The following SPAST variants were observed in gnomAD, a reference collection of about 807,000 sequenced individuals.
The protein encoded by SPAST is spastic paraplegia 4 (autosomal dominant; spastin).
SPAST carries 30 observed loss-of-function variants against 76.6 expected under a neutral mutation model. That is an observed-to-expected ratio of 0.39 (90% CI 0.29 to 0.53). The LOEUF is 0.53. Among genes scored for constraint, SPAST ranks in the 20% least tolerant of loss-of-function variants. The probability of loss-of-function intolerance (pLI) is 0.68; values close to 1 mark genes in which losing one functional copy is unlikely to be tolerated. For missense variants in SPAST, 717 were observed against 770.5 expected (o/e 0.93, Z 0.82); for synonymous variants, 305 against 281.0 (o/e 1.09, Z -0.86).
chr2:32,108,462 G>C (rs574463804), intron 4 of SPAST, among the ~76,000 whole-genome samples: 3 of 151,948 alleles, frequency 2.0e-5, no homozygotes, highest in African/African-American at 7.3e-5. Flanking sequence ...ATTTTAATGG[G>C]TGTATCACAG....
intron 1 of SPAST, among the ~76,000 whole-genome samples, chr2:32,066,322 G>T (rs897306882): frequency 6.6e-6 from 1 of 152,056 alleles, no homozygotes; most frequent in African/African-American, 2.4e-5. Flanking sequence ...GGATCCCTTG[G>T]GGAGAATTAA....
chr2:32,106,456 AC>A (rs955685619), intron 4 of SPAST, among the ~76,000 whole-genome samples: 24 of 152,208 alleles, frequency 1.6e-4, no homozygotes, highest in African/African-American at 5.8e-4. Flanking sequence ...TGTGGGCTGC[AC>A]CCACTGTCTG....
At chr2:32,094,270 G>C (rs1207023780) in intron 3 of SPAST, among the ~76,000 whole-genome samples, 1 of 152,058 alleles carries the variant, frequency 6.6e-6, no homozygotes, top group Non-Finnish European at 1.5e-5. Context: ...CCAGGCCAGA[G>C]TGCAATGGCG....
Position 32,151,513 on chromosome 2 carries a change from T to C in SPAST, c.1729-2861T>C, listed in dbSNP as rs186948432. On this transcript the variant is annotated intron_variant, in intron 16 of 16. Coordinates refer to ENST00000315285, the MANE Select transcript of SPAST (RefSeq NM_014946.4). ...AGACGTAAACACAAGTAGTTTGCTC[T>C]CTAAAACTGTATACTAGAATTTTAT... 2.5e-3 allele frequency among the ~76,000 whole-genome samples: 375 copies of C among 152,308 alleles called. 1 individual carries two copies. The highest frequency in any genetic ancestry group is 1.9e-3 in the Non-Finnish European group (127 of 68,026).
In SPAST at chr2:32,155,308, C is replaced by T. The variant is rs996377939; in HGVS notation, c.*812C>T. 2 of 152,424 alleles carry T rather than the reference C, an allele frequency of 1.3e-5. No homozygotes were observed. The highest frequency in any genetic ancestry group is 2.9e-5 in the Non-Finnish European group (2 of 67,976). 9.4% of individuals were successfully genotyped at this position (152,424 alleles called of 1,614,324 possible). ...TCAGAAATCTGTTGTAGACTGTTAA[C>T]TTCTTCCTGATGGAATTTATTTTCT... On this transcript the variant is annotated 3_prime_UTR_variant, in exon 17 of 17. Transcript: ENST00000315285.
intron 1 of SPAST, among the ~76,000 whole-genome samples, chr2:32,066,737 G>A (rs557012509): frequency 3.3e-5 from 5 of 152,182 alleles, no homozygotes; most frequent in African/African-American, 1.2e-4. Flanking sequence ...ACTTTGGGAG[G>A]CTGAGGTGGG....
At chr2:32,079,492 C>T (rs1405682124) in intron 1 of SPAST, among the ~76,000 whole-genome samples, 3 of 148,010 alleles carry the variant, frequency 2.0e-5, no homozygotes, top group South Asian at 2.2e-4. Context: ...GGTGACAGAG[C>T]GAGACCCAGT....
intron 9 of SPAST, among the ~76,000 whole-genome samples, chr2:32,134,884 C>T (rs1432552520): frequency 1.3e-5 from 2 of 150,750 alleles, no homozygotes; most frequent in African/African-American, 2.4e-5. Flanking sequence ...TTAGTAGACA[C>T]AGGGTTTCAC....
chr2:32,121,029 T>C (rs1025160733), intron 7 of SPAST, among the ~76,000 whole-genome samples: 2 of 152,224 alleles, frequency 1.3e-5, no homozygotes, highest in African/African-American at 4.8e-5. Context: ...ATTGGACTTC[T>C]TATTTCTATT....
At chr2:32,140,931 TTTGTTG>T (rs1374819622) in intron 12 of SPAST, among the ~76,000 whole-genome samples, 3 of 125,194 alleles carry the variant, frequency 2.4e-5, no homozygotes, top group Admixed American at 8.2e-5. Flanking sequence ...GGGGGCAGGT[TTTGTTG>T]TTGTTGTTTT....
At chr2:32,092,516 C>A (rs1677762432) in intron 3 of SPAST, among the ~76,000 whole-genome samples, 2 of 152,094 alleles carry the variant, frequency 1.3e-5, no homozygotes, top group African/African-American at 4.8e-5. Flanking sequence ...ATTAGAGACT[C>A]ATCTTTGAAT....
chr2:32,101,275 G>C (rs574934671), intron 4 of SPAST, among the ~76,000 whole-genome samples: 18 of 152,232 alleles, frequency 1.2e-4, no homozygotes, highest in African/African-American at 4.3e-4. Context: ...AGAAGCATCT[G>C]TTCATATACT....
chr2:32,083,776 ATTT>A (rs1178658126), intron 1 of SPAST, among the ~76,000 whole-genome samples: 1 of 46,086 alleles, frequency 2.2e-5, no homozygotes, highest in African/African-American at 8.9e-5. Context: ...ATATATATAT[ATTT>A]TTTTTTTTTT....
intron 2 of SPAST, among the ~76,000 whole-genome samples, chr2:32,087,790 G>C (rs1188615027): frequency 6.9e-6 from 1 of 145,052 alleles, no homozygotes; most frequent in African/African-American, 2.5e-5. Context: ...CAAACTTCTG[G>C]GCTCAAGTGA....
At chr2:32,131,359 T>C (rs940288987) in intron 9 of SPAST, among the ~76,000 whole-genome samples, 1 of 152,224 alleles carries the variant, frequency 6.6e-6, no homozygotes, top group Non-Finnish European at 1.5e-5. Context: ...TTCATATTCA[T>C]TGATAGGATT....
intron 13 of SPAST, 69 bp from the exon 14 acceptor site, chr2:32,143,267 A>G: frequency 4.2e-6 from 4 of 943,518 alleles, no homozygotes; most frequent in African/African-American, 1.6e-5. Flanking sequence ...ACCCTGTCTC[A>G]ATATAAAAAA....
intron 7 of SPAST, among the ~76,000 whole-genome samples, chr2:32,122,986 G>A (rs1017428747): frequency 6.6e-5 from 10 of 152,148 alleles, no homozygotes; most frequent in African/African-American, 2.2e-4. Context: ...ATACTGCTGG[G>A]TGCAGTGGCT....
At position 32,110,667 on chromosome 2, in the gene SPAST, AGTATATATAGTGTATATATACT is replaced by A. The variant is rs1271181094; in HGVS notation, c.683-3956_683-3935del. ...ATAGTATATATAGTATAGTATATAT[AGTATATATAGTGTATATATACT>A]GTATATATAGTGTACATAGTATACT... On this transcript the variant is annotated intron_variant, in intron 4 of 16. Coordinates refer to ENST00000315285, the MANE Select transcript of SPAST (RefSeq NM_014946.4). 3.0e-4 allele frequency among the ~76,000 whole-genome samples: 42 copies of A among 138,038 alleles called. No homozygotes were observed. In the South Asian group the frequency reaches 9.2e-3, roughly 30 times the overall value. 90.6% of individuals were successfully genotyped at this position (138,038 alleles called of 152,430 possible). A position where few individuals can be genotyped will look rare whatever the true frequency, so the allele number is the denominator to read the frequency against.
chr2:32,086,839 A>G (rs1677501864), intron 1 of SPAST, among the ~76,000 whole-genome samples: 1 of 152,152 alleles, frequency 6.6e-6, no homozygotes, highest in African/African-American at 2.4e-5. Context: ...ACAAAAAATT[A>G]ATTTTCAAAT....
Sources: allele counts gnomAD v4.1 joint callset (sites outside exome capture counted in the v4.1 genomes callset), GRCh38; gene constraint gnomAD v4.1.1; transcripts MANE v1.5; gene names NCBI Gene and HGNC (gene_info 2026-07-23, HGNC 2026-07-21).